The following NINJ2 variants were observed in gnomAD, a reference collection of about 807,000 sequenced individuals.
The protein encoded by NINJ2 is ninjurin 2, also known as ninjurin-2.
In NINJ2, 12 loss-of-function variants were observed where a neutral mutation model predicts 11.7. That is an observed-to-expected ratio of 1.02 (90% CI 0.66 to 1.66). The LOEUF (loss-of-function observed/expected upper bound fraction) is 1.66, where lower values mean the gene tolerates loss of function less well. Ranked by LOEUF, NINJ2 falls within the 40% of genes most tolerant of loss-of-function variation. The pLI, the probability that NINJ2 is intolerant of heterozygous loss-of-function variation, is 0.00. For synonymous variants in NINJ2, 93 were observed against 76.8 expected (o/e 1.21, Z -1.10); for missense variants, 187 against 181.8 (o/e 1.03, Z -0.16).
chr12:596,044 T>G (rs958212578), intron 1 of NINJ2, among the ~76,000 whole-genome samples: 1 of 152,202 alleles, frequency 6.6e-6, no homozygotes, highest in African/African-American at 2.4e-5. Flanking sequence ...ACAACATCCT[T>G]GTTCATTGCT....
chr12:636,567 G>A (rs1246239640), intron 1 of NINJ2, among the ~76,000 whole-genome samples: 1 of 151,844 alleles, frequency 6.6e-6, no homozygotes, highest in Non-Finnish European at 1.5e-5. Flanking sequence ...AAAGGAGAAG[G>A]AACTAGGGTA....
intron 1 of NINJ2, among the ~76,000 whole-genome samples, chr12:572,548 C>T (rs967353714): frequency 6.6e-6 from 1 of 152,222 alleles, no homozygotes; most frequent in African/African-American, 2.4e-5. Flanking sequence ...GGTATCAGTC[C>T]TCTTGTCAGA....
chr12:584,069 AC>A (rs1387702345), intron 1 of NINJ2, among the ~76,000 whole-genome samples: 1 of 150,492 alleles, frequency 6.6e-6, no homozygotes, highest in African/African-American at 2.4e-5. Flanking sequence ...TAAAAAAAAA[AC>A]CCAAAATGTT....
intron 1 of NINJ2, among the ~76,000 whole-genome samples, chr12:635,734 A>T (rs986993917): frequency 3.3e-5 from 5 of 152,238 alleles, no homozygotes; most frequent in Admixed American, 1.3e-4. Flanking sequence ...CAGATAAATT[A>T]GATTTCATCA....
At chr12:587,139 A>G (rs546135450) in intron 1 of NINJ2, among the ~76,000 whole-genome samples, 2 of 152,326 alleles carry the variant, frequency 1.3e-5, no homozygotes, top group East Asian at 1.9e-4. Flanking sequence ...CCTGTGGAGC[A>G]TCTCTGCCAG....
chr12:651,864 C>T (rs1937790722), intron 1 of NINJ2, among the ~76,000 whole-genome samples: 1 of 152,186 alleles, frequency 6.6e-6, no homozygotes, highest in Admixed American at 6.5e-5. Context: ...AATCTCTGAG[C>T]TTACGCATAT....
At position 565,307 on chromosome 12, in the gene NINJ2, A is replaced by G; in HGVS notation, c.357T>C (p.Asn119=). 2 of 1,614,220 alleles carry G rather than the reference A, an allele frequency of 1.2e-6. No homozygotes were observed. The highest frequency in any genetic ancestry group is 1.1e-5 in the South Asian group (1 of 91,090). The part of the protein sequence containing the change: ...TILVFFTVVI[N]VFITAFGAHK... The stretch of plus-strand genomic sequence containing the variant: ...GTGCCCCGAAGGCTGTAATGAAAAC[A>G]TTGATGACCACAGTGAAGAAGACCA... Residue 119 remains asparagine, a synonymous_variant, in exon 3 of 4, where the codon AAT becomes AAC. Transcript: ENST00000305108.
Position 581,690 on chromosome 12 carries a change from A to T in NINJ2, c.34-15512T>A, listed in dbSNP as rs1427114571. Among the ~76,000 whole-genome samples the T allele has an allele frequency of 6.6e-6, 1 of 152,090 alleles. No individual in the cohort carries two copies. Among genetic ancestry groups the T allele is most frequent in the Non-Finnish European group, 1.5e-5 (1 of 68,000 alleles). On this transcript the variant is annotated intron_variant, in intron 1 of 3. Transcript: ENST00000305108. This position sits in a 1 kb window ranked among gnomAD's most constrained non-coding sequence, Gnocchi z 4.9. ...GGAGGGCCGGCAAGTGGGTGCAGGGATCTGATCCCACTGCTGACCATCCAA... is the reference window on the plus strand; with the variant it reads ...GGAGGGCCGGCAAGTGGGTGCAGGGTTCTGATCCCACTGCTGACCATCCAA...
Position 614,686 on chromosome 12 carries a change from A to AT in NINJ2, c.34-48509dup, listed in dbSNP as rs570212505. ...TCCAGAGAAGTCACTTAGTTAGCTCATTTTTTTTTCCTCCAAAGAAGGGAA... is the reference window on the plus strand; with the variant it reads ...TCCAGAGAAGTCACTTAGTTAGCTCATTTTTTTTTTCCTCCAAAGAAGGGAA... On this transcript the variant is annotated intron_variant, in intron 1 of 3. Coordinates refer to ENST00000305108, the MANE Select transcript of NINJ2 (RefSeq NM_016533.6). This position sits in a 1 kb window ranked among gnomAD's most constrained non-coding sequence, Gnocchi z 5.1. Among the ~76,000 whole-genome samples, 5 of 150,694 alleles carry AT rather than the reference A, an allele frequency of 3.3e-5. No homozygotes were observed. Among genetic ancestry groups the AT allele is most frequent in the African/African-American group, 9.7e-5 (4 of 41,040 alleles).
chr12:578,007 C>A (rs190165029), intron 1 of NINJ2, among the ~76,000 whole-genome samples: 4 of 152,248 alleles, frequency 2.6e-5, no homozygotes, highest in African/African-American at 9.6e-5. Context: ...ATGAAATCCA[C>A]GAGCAGACAG....
intron 1 of NINJ2, among the ~76,000 whole-genome samples, chr12:661,880 T>C (rs1374484575): frequency 6.6e-6 from 1 of 152,192 alleles, no homozygotes; most frequent in African/African-American, 2.4e-5. Context: ...TCTAAAGCAA[T>C]GACCGTGTAC....
chr12:570,888 C>T (rs1360937561), intron 1 of NINJ2, among the ~76,000 whole-genome samples: 1 of 152,226 alleles, frequency 6.6e-6, no homozygotes, highest in Non-Finnish European at 1.5e-5. Flanking sequence ...GTTTCCACAT[C>T]TATAAAACTG....
intron 1 of NINJ2, among the ~76,000 whole-genome samples, chr12:615,230 T>C (rs1236365417): frequency 6.6e-6 from 1 of 152,188 alleles, no homozygotes; most frequent in African/African-American, 2.4e-5. Context: ...CACCTTATAT[T>C]TACCAAGAGG....
chr12:570,983 A>C (rs1947367674), intron 1 of NINJ2, among the ~76,000 whole-genome samples: 1 of 152,088 alleles, frequency 6.6e-6, no homozygotes, highest in Non-Finnish European at 1.5e-5. Context: ...ACAGAATCCA[A>C]GCGGTTCCCA....
intron 1 of NINJ2, among the ~76,000 whole-genome samples, chr12:635,776 T>C (rs1355038176): frequency 6.6e-6 from 1 of 152,220 alleles, no homozygotes; most frequent in Non-Finnish European, 1.5e-5. Flanking sequence ...AAGGACACTA[T>C]TAAAAGAGTG....
chr12:658,697 TATGCTATGC>T (rs1249356549), intron 1 of NINJ2, among the ~76,000 whole-genome samples: 3 of 150,344 alleles, frequency 2.0e-5, no homozygotes, highest in Non-Finnish European at 4.4e-5. Context: ...TATGCTATGC[TATGCTATGC>T]TATGCTATGC....
rs1262599194 is a variant in NINJ2 at position 580,920 on chromosome 12, TTG to T, written c.34-14744_34-14743del. Among the ~76,000 whole-genome samples, 9 of 146,172 alleles carry T rather than the reference TTG, an allele frequency of 6.2e-5. No homozygotes were observed. Among genetic ancestry groups the T allele is most frequent in the Non-Finnish European group, 9.1e-5 (6 of 66,244 alleles). On this transcript the variant is annotated intron_variant, in intron 1 of 3. Transcript: ENST00000305108. The surrounding 1 kb of genome is among the most constrained non-coding windows in gnomAD (Gnocchi z 4.7). The stretch of plus-strand genomic sequence containing the variant: ...TGTGTCTGTGTGTGTGTCTGTATGT[TTG>T]TGTGTGTGTGCCTGTGTGTCTGTGT...
At chr12:647,252 G>A (rs534218957) in intron 1 of NINJ2, among the ~76,000 whole-genome samples, 10 of 152,326 alleles carry the variant, frequency 6.6e-5, no homozygotes, top group Non-Finnish European at 1.3e-4. Context: ...TGGGTGACAG[G>A]AGACAGACAT....
chr12:569,552 C>T, intron 1 of NINJ2, among the ~76,000 whole-genome samples: 1 of 152,178 alleles, frequency 6.6e-6, no homozygotes, highest in East Asian at 1.9e-4. Context: ...GGGAGACAGA[C>T]CCCCTTCCCC....
Sources: allele counts gnomAD v4.1 joint callset (sites outside exome capture counted in the v4.1 genomes callset), GRCh38; gene constraint gnomAD v4.1.1; non-coding constraint Gnocchi (gnomAD v3.1); transcripts MANE v1.5; gene names NCBI Gene and HGNC (gene_info 2026-07-23, HGNC 2026-07-21).